Variants in HS3ST1 observed in about 807,000 individuals in gnomAD.
The protein encoded by HS3ST1 is heparan sulfate-glucosamine 3-sulfotransferase 1.
Under a neutral mutation model 20.7 loss-of-function variants are expected in HS3ST1, and 8 were observed. That is an observed-to-expected ratio of 0.39 (90% CI 0.23 to 0.70). HS3ST1 has a LOEUF of 0.70. HS3ST1 is among the 30% of genes least tolerant of loss of function. HS3ST1 has a pLI of 0.46. For missense variants in HS3ST1, 436 were observed against 423.4 expected (o/e 1.03, Z -0.26); for synonymous variants, 205 against 190.4 (o/e 1.08, Z -0.63).
chr4:11,398,961 G>C lies in HS3ST1; in HGVS notation c.*121C>G. The C allele has an allele frequency of 1.2e-6, 1 of 865,024 alleles. No individual in the cohort carries two copies. The highest frequency in any genetic ancestry group is 1.8e-6 in the Non-Finnish European group (1 of 563,142). 53.6% of individuals were successfully genotyped at this position (865,024 alleles called of 1,614,324 possible). On this transcript the variant is annotated 3_prime_UTR_variant, in exon 2 of 2. Transcript: ENST00000002596. Reference sequence around the variant, plus strand: ...GCAATTGTGAATCTAATACTGTACAGAAGTACTTTATGGATTTTACAAATA... The same window carrying C: ...GCAATTGTGAATCTAATACTGTACACAAGTACTTTATGGATTTTACAAATA...
chr4:11,400,374 G>A (rs1039729407), intron 1 of HS3ST1, among the ~76,000 whole-genome samples: 2 of 152,186 alleles, frequency 1.3e-5, no homozygotes, highest in Non-Finnish European at 2.9e-5. Context: ...CAACACACAA[G>A]GGAATGGGTG....
At chr4:11,422,178 G>C (rs1283476960) in intron 1 of HS3ST1, among the ~76,000 whole-genome samples, 1 of 152,174 alleles carries the variant, frequency 6.6e-6, no homozygotes, top group Admixed American at 6.5e-5. Flanking sequence ...AGGTTTGAGG[G>C]CTATGCAATT....
Position 11,400,013 on chromosome 4 carries a change from AC to A in HS3ST1, c.-9del. Reference sequence around the variant, plus strand: ...CAGGAGCAGCGCGGCCATGCTGGACACCACGGTGGCTTCACTGGGCCGCGCG... The same window carrying A: ...CAGGAGCAGCGCGGCCATGCTGGACACACGGTGGCTTCACTGGGCCGCGCG... On this transcript the variant is annotated 5_prime_UTR_variant, in exon 2 of 2. Coordinates refer to ENST00000002596, the MANE Select transcript of HS3ST1 (RefSeq NM_005114.4). 6.7e-7 allele frequency: 1 copy of A among 1,492,524 alleles called. No individual in the cohort carries two copies. The highest frequency in any genetic ancestry group is 8.9e-7 in the Non-Finnish European group (1 of 1,123,938). The allele number at this position is 1,492,524 out of a possible 1,614,324, so 92.5% of individuals were successfully genotyped here. A position where few individuals can be genotyped will look rare whatever the true frequency, so the allele number is the denominator to read the frequency against.
At chr4:11,431,479 G>A (rs538518407), upstream of HS3ST1, among the ~76,000 whole-genome samples, 18 of 152,192 alleles carry the variant, frequency 1.2e-4, no homozygotes, top group African/African-American at 3.4e-4. Context: ...TTAAGATCTC[G>A]AAGTCTTTAT....
chr4:11,430,190 C>T (rs559855813), upstream of HS3ST1, among the ~76,000 whole-genome samples: 1 of 152,176 alleles, frequency 6.6e-6, no homozygotes, highest in African/African-American at 2.4e-5. Context: ...GCCAGAAGCA[C>T]CCTGAAAGCT....
intron 1 of HS3ST1, among the ~76,000 whole-genome samples, chr4:11,415,630 G>A (rs1718756082): frequency 6.6e-6 from 1 of 152,204 alleles, no homozygotes; most frequent in Non-Finnish European, 1.5e-5. Context: ...TCCAGTGAAA[G>A]CAGAAAAATG....
chr4:11,416,883 G>C (rs932577338), intron 1 of HS3ST1, among the ~76,000 whole-genome samples: 1 of 152,220 alleles, frequency 6.6e-6, no homozygotes, highest in Non-Finnish European at 1.5e-5. Flanking sequence ...TATTGGGACA[G>C]AGCTAGACAG....
At position 11,426,010 on chromosome 4, in the gene HS3ST1, C is replaced by T. The variant is rs187894591; in HGVS notation, c.-109+2689G>A. Among the ~76,000 whole-genome samples, 304 of 152,306 alleles carry T rather than the reference C, an allele frequency of 2.0e-3. 4 individuals carry two copies. Among genetic ancestry groups the T allele is most frequent in the African/African-American group, 7.1e-3 (297 of 41,566 alleles). On this transcript the variant is annotated intron_variant, in intron 1 of 1. Coordinates refer to ENST00000002596, the MANE Select transcript of HS3ST1 (RefSeq NM_005114.4). ...AGTTACTGCATTTCCCTGGAAGCTG[C>T]TAAAAAGTTACCACTCTCCTGCAAC...
intron 1 of HS3ST1, among the ~76,000 whole-genome samples, chr4:11,428,103 AAATC>A (rs938509434): frequency 2.6e-5 from 4 of 152,264 alleles, no homozygotes; most frequent in African/African-American, 7.2e-5. Context: ...AACAAGAAAA[AAATC>A]AAGACCCTCA....
intron 1 of HS3ST1, among the ~76,000 whole-genome samples, chr4:11,421,220 A>G (rs139333315): frequency 1.1e-3 from 173 of 152,338 alleles, no homozygotes; most frequent in South Asian, 5.8e-3. Context: ...AAAACCGTCT[A>G]TTACTCAGAG....
At position 11,419,866 on chromosome 4, in the gene HS3ST1, G is replaced by A. The variant is rs111509425; in HGVS notation, c.-109+8833C>T. 8.9e-3 allele frequency among the ~76,000 whole-genome samples: 1,361 copies of A among 152,262 alleles called. 11 individuals carry two copies. Among genetic ancestry groups the A allele is most frequent in the Non-Finnish European group, 0.013 (897 of 68,028 alleles). ...AAATTCTGACCGTGAACCAGACACC[G>A]TATAAGTGCATGACATAACTTATTA... On this transcript the variant is annotated intron_variant, in intron 1 of 1. Transcript: ENST00000002596.
At chr4:11,404,383 A>T (rs1718405947) in intron 1 of HS3ST1, among the ~76,000 whole-genome samples, 1 of 152,082 alleles carries the variant, frequency 6.6e-6, no homozygotes, top group South Asian at 2.1e-4. Flanking sequence ...AATATTTTGC[A>T]TTTTTTTCTA....
chr4:11,425,774 A>T (rs1336896633), intron 1 of HS3ST1, among the ~76,000 whole-genome samples: 1 of 152,104 alleles, frequency 6.6e-6, no homozygotes, highest in Non-Finnish European at 1.5e-5. Context: ...TCTTTTCATC[A>T]CTGTTTTGCA....
chr4:11,399,845 A>C lies in HS3ST1; in HGVS notation c.161T>G (p.Leu54Trp). 1 of 1,612,878 alleles carries C rather than the reference A, an allele frequency of 6.2e-7. No individual in the cohort carries two copies. Among genetic ancestry groups the C allele is most frequent in the Non-Finnish European group, 8.5e-7 (1 of 1,179,802 alleles). Residue 54 changes from leucine (L) to tryptophan (W), a missense_variant, in exon 2 of 2, where the codon TTG becomes TGG. Physicochemically the swap from Leu to Trp is moderately conservative, Grantham distance 61. Coordinates refer to ENST00000002596, the MANE Select transcript of HS3ST1 (RefSeq NM_005114.4). This position sits in a 1 kb window ranked among gnomAD's most constrained non-coding sequence, Gnocchi z 5.1. The part of the protein sequence containing the change: ...GVAPNGSAQQ[L>W]PQTIIIGVRK... The stretch of plus-strand genomic sequence containing the variant: ...CACGCCGATGATGATGGTCTGCGGC[A>C]ACTGCTGGGCAGAGCCGTTTGGGGC...
At chr4:11,404,461 G>T (rs1469920156) in intron 1 of HS3ST1, among the ~76,000 whole-genome samples, 1 of 152,144 alleles carries the variant, frequency 6.6e-6, no homozygotes, top group Non-Finnish European at 1.5e-5. Flanking sequence ...CATATGGCTG[G>T]TGGCAATTGA....
chr4:11,416,701 G>A (rs1050860847), intron 1 of HS3ST1, among the ~76,000 whole-genome samples: 4 of 152,190 alleles, frequency 2.6e-5, no homozygotes, highest in Admixed American at 6.5e-5. Flanking sequence ...ACAAAGCATG[G>A]GCTGGCTCTT....
At chr4:11,407,204 G>T (rs906481821) in intron 1 of HS3ST1, among the ~76,000 whole-genome samples, 1 of 152,166 alleles carries the variant, frequency 6.6e-6, no homozygotes, top group Non-Finnish European at 1.5e-5. Flanking sequence ...GGGGTGAAAA[G>T]AGTTTAGGGT....
At position 11,393,980 on chromosome 4, in the gene HS3ST1, C is replaced by A. The variant is rs13114517; in HGVS notation, c.*5102G>T. Reference sequence around the variant, plus strand: ...TGAGCTCTGGATGGAGCATTAACAGCAATAGCTACAGTCACATAGCTGGGA... The same window carrying A: ...TGAGCTCTGGATGGAGCATTAACAGAAATAGCTACAGTCACATAGCTGGGA... On this transcript the variant is annotated 3_prime_UTR_variant, in exon 2 of 2. Coordinates refer to ENST00000002596, the MANE Select transcript of HS3ST1 (RefSeq NM_005114.4). 26,199 of 152,174 alleles carry A rather than the reference C, an allele frequency of 0.17. 2,825 individuals are homozygous for A. The highest frequency in any genetic ancestry group is 0.38 in the East Asian group (1,935 of 5,148). 9.4% of individuals were successfully genotyped at this position (152,174 alleles called of 1,614,324 possible). A position where few individuals can be genotyped will look rare whatever the true frequency, so the allele number is the denominator to read the frequency against.
chr4:11,403,003 A>G (rs1718366568), intron 1 of HS3ST1, among the ~76,000 whole-genome samples: 1 of 152,256 alleles, frequency 6.6e-6, no homozygotes, highest in Admixed American at 6.5e-5. Flanking sequence ...ACTTATGTCT[A>G]GACCTTTTTC....
Sources: gnomAD v4.1 joint callset for allele counts (sites outside exome capture counted in the v4.1 genomes callset) on GRCh38, gnomAD v4.1.1 for gene constraint, Gnocchi (gnomAD v3.1) non-coding constraint, MANE v1.5 for transcripts, NCBI Gene and HGNC (gene_info 2026-07-23, HGNC 2026-07-21) for gene names.